Variants in IQCM observed in about 807,000 individuals in gnomAD.
IQCM encodes the protein IQ domain-containing protein M.
In IQCM, 45 loss-of-function variants were observed where a neutral mutation model predicts 57.6. That is an observed-to-expected ratio of 0.78 (90% CI 0.62 to 1.00). The LOEUF is 1.00. Ranked by LOEUF, IQCM falls within the 50% of genes least tolerant of loss-of-function variation. IQCM has a pLI of 0.00. For missense variants in IQCM, 468 were observed against 511.6 expected (o/e 0.91, Z 0.82); for synonymous variants, 148 against 158.9 (o/e 0.93, Z 0.51).
At chr4:149,393,108 A>G (rs1359300027) in intron 13 of IQCM, among the ~76,000 whole-genome samples, 1 of 151,996 alleles carries the variant, frequency 6.6e-6, no homozygotes, top group Non-Finnish European at 1.5e-5. Flanking sequence ...CCAGGAATTT[A>G]AGGCTAGTGA....
At chr4:149,413,604 T>G (rs1043670338) in intron 13 of IQCM, among the ~76,000 whole-genome samples, 2 of 152,170 alleles carry the variant, frequency 1.3e-5, no homozygotes, top group Non-Finnish European at 2.9e-5. Flanking sequence ...TAGAGAAAAG[T>G]AAAACAAAGA....
chr4:149,578,928 C>T (rs958207895), intron 9 of IQCM, among the ~76,000 whole-genome samples: 3 of 151,754 alleles, frequency 2.0e-5, no homozygotes, highest in African/African-American at 4.8e-5. Context: ...GATCCTTTGT[C>T]CCCCTTCCCC....
intron 12 of IQCM, among the ~76,000 whole-genome samples, chr4:149,500,441 G>A (rs1743119442): frequency 6.6e-6 from 1 of 152,140 alleles, no homozygotes; most frequent in Admixed American, 6.6e-5. Context: ...TAACATTTAA[G>A]TGTATGAAAA....
chr4:149,597,758 T>C (rs1331055989), intron 8 of IQCM, among the ~76,000 whole-genome samples: 1 of 152,148 alleles, frequency 6.6e-6, no homozygotes, highest in African/African-American at 2.4e-5. Flanking sequence ...TATTTGAAAA[T>C]ATAATGGCAG....
At chr4:149,712,136 T>G (rs1764609892) in intron 5 of IQCM, among the ~76,000 whole-genome samples, 1 of 149,406 alleles carries the variant, frequency 6.7e-6, no homozygotes, top group Non-Finnish European at 1.5e-5. Flanking sequence ...CTTTAGGCAC[T>G]AATAGATCCT....
chr4:149,725,917 C>T (rs1765850288), intron 5 of IQCM, among the ~76,000 whole-genome samples: 1 of 151,954 alleles, frequency 6.6e-6, no homozygotes, highest in South Asian at 2.1e-4. Flanking sequence ...TCTTGTTCTA[C>T]TAATCCTATT....
chr4:149,708,353 A>C (rs1764312040), intron 5 of IQCM, among the ~76,000 whole-genome samples: 1 of 151,984 alleles, frequency 6.6e-6, no homozygotes, highest in Admixed American at 6.6e-5. Flanking sequence ...AAGACTGTAA[A>C]ATTGCTTAGG....
intron 8 of IQCM, among the ~76,000 whole-genome samples, chr4:149,612,603 T>A (rs1477514023): frequency 6.6e-6 from 1 of 152,064 alleles, no homozygotes; most frequent in Non-Finnish European, 1.5e-5. Flanking sequence ...AATTGTACAA[T>A]AAAATTGTTT....
chr4:149,463,955 G>A (rs770572765), intron 12 of IQCM, among the ~76,000 whole-genome samples: 56 of 152,022 alleles, frequency 3.7e-4, no homozygotes, highest in African/African-American at 1.2e-3. Context: ...GACCTTTTTC[G>A]AAAGTTTTGA....
At chr4:149,729,242 T>C (rs180920934) in intron 5 of IQCM, among the ~76,000 whole-genome samples, 4 of 152,320 alleles carry the variant, frequency 2.6e-5, no homozygotes, top group Admixed American at 2.6e-4. Flanking sequence ...ACTTGCTCCT[T>C]GGACACATCT....
intron 2 of IQCM, among the ~76,000 whole-genome samples, chr4:149,809,382 C>A (rs1033179867): frequency 6.6e-6 from 1 of 152,024 alleles, no homozygotes; most frequent in African/African-American, 2.4e-5. Context: ...AATGGCTATT[C>A]CGCTTATAGT....
At chr4:149,484,134 C>G (rs1741209888) in intron 12 of IQCM, among the ~76,000 whole-genome samples, 1 of 151,738 alleles carries the variant, frequency 6.6e-6, no homozygotes, top group Non-Finnish European at 1.5e-5. Flanking sequence ...TGTTTGTTTC[C>G]ATTGGCATGG....
chr4:149,553,594 C>T (rs964413099), intron 10 of IQCM, among the ~76,000 whole-genome samples: 8 of 152,156 alleles, frequency 5.3e-5, no homozygotes, highest in African/African-American at 1.7e-4. Flanking sequence ...GCCCACTCTG[C>T]CAGAAACGAT....
At chr4:149,597,497 TCTC>T (rs1332481010) in intron 8 of IQCM, among the ~76,000 whole-genome samples, 1 of 152,076 alleles carries the variant, frequency 6.6e-6, no homozygotes, top group Non-Finnish European at 1.5e-5. Flanking sequence ...TTCAAGCAAT[TCTC>T]CTGCCTCAGC....
At chr4:149,582,045 T>G (rs1237147505) in intron 9 of IQCM, among the ~76,000 whole-genome samples, 2 of 151,124 alleles carry the variant, frequency 1.3e-5, no homozygotes, top group African/African-American at 4.9e-5. Context: ...GCCATTTTGG[T>G]AAGAACGAGA....
At chr4:149,607,959 C>G (rs1707774714) in intron 8 of IQCM, among the ~76,000 whole-genome samples, 1 of 151,692 alleles carries the variant, frequency 6.6e-6, no homozygotes, top group African/African-American at 2.4e-5. Context: ...CTAAATTTTC[C>G]AATCAAAATA....
intron 12 of IQCM, among the ~76,000 whole-genome samples, chr4:149,508,057 C>G (rs924047941): frequency 2.6e-5 from 4 of 151,750 alleles, no homozygotes; most frequent in Admixed American, 6.6e-5. Context: ...GTTGAACCTA[C>G]GAGTCCACAG....
rs186660902 is a variant in IQCM, at chr4:149,516,881, G to A, written c.1228+31574C>T. Among the ~76,000 whole-genome samples the A allele has an allele frequency of 1.8e-4, 28 of 152,062 alleles. 1 individual carries two copies. In the East Asian group the frequency reaches 4.5e-3, roughly 24 times the overall value. ...ACCTTTAAGTCAACAGGCTAAGAAG[G>A]GAGTTACAGTGTTGGCTGGGGTGAT... On this transcript the variant is annotated intron_variant, in intron 12 of 13. Transcript: ENST00000636793.
intron 7 of IQCM, among the ~76,000 whole-genome samples, chr4:149,650,911 G>A (rs1212703474): frequency 1.3e-5 from 2 of 152,178 alleles, no homozygotes; most frequent in Non-Finnish European, 2.9e-5. Flanking sequence ...TCCTCAAAAG[G>A]TTGTTACACA....
Sources: gnomAD v4.1 joint callset for allele counts (sites outside exome capture counted in the v4.1 genomes callset) on GRCh38, gnomAD v4.1.1 for gene constraint, MANE v1.5 for transcripts, NCBI Gene and HGNC (gene_info 2026-07-23, HGNC 2026-07-21) for gene names.